The following ANK2 variants were observed in gnomAD, a reference collection of about 807,000 sequenced individuals.
The protein encoded by ANK2 is ankyrin 2, also known as ankyrin-2.
ANK2 carries 83 observed loss-of-function variants against 360.5 expected under a neutral mutation model. The observed-to-expected ratio is 0.23, with a 90% confidence interval of 0.19 to 0.28. The LOEUF (loss-of-function observed/expected upper bound fraction) is 0.28, where lower values mean the gene tolerates loss of function less well. ANK2 is among the 10% of genes least tolerant of loss of function. ANK2 has a pLI of 1.00. For synonymous variants in ANK2, 1,740 were observed against 1,759.5 expected, an observed-to-expected ratio of 0.99 and a Z score of 0.28; for missense variants, 4,201 against 4,795.7, an observed-to-expected ratio of 0.88 and a Z score of 3.66.
intron 1 of ANK2, among the ~76,000 whole-genome samples, chr4:113,125,329 A>G (rs750072463): frequency 1.3e-5 from 2 of 152,196 alleles, no homozygotes; most frequent in Non-Finnish European, 2.9e-5. Context: ...TTTTATTATT[A>G]TAAAGATCAA....
At chr4:113,234,605 T>C (rs953590003) in intron 5 of ANK2, among the ~76,000 whole-genome samples, 2 of 152,222 alleles carry the variant, frequency 1.3e-5, no homozygotes, top group Non-Finnish European at 2.9e-5. Flanking sequence ...TGTGTTATAC[T>C]GCTAAATACC....
In ANK2 at chr4:113,195,879, G is replaced by A. The variant is rs565234465; in HGVS notation, c.187-489G>A. ...GTCACTGAGTAGCTAGTTGGAGTGA[G>A]TTAGTTATAATATTAATCAAGGTAT... is the stretch of plus-strand genomic sequence containing the variant. On this transcript the variant is annotated intron_variant, in intron 2 of 45. Coordinates refer to ENST00000357077, the MANE Select transcript of ANK2 (RefSeq NM_001148.6). Among the ~76,000 whole-genome samples the A allele has an allele frequency of 8.5e-5, 13 of 152,282 alleles. No individual in the cohort carries two copies. The East Asian group carries it at 2.5e-3, about 29-fold the overall frequency.
chr4:113,235,546 A>C (rs1278075710), intron 5 of ANK2, among the ~76,000 whole-genome samples: 1 of 152,114 alleles, frequency 6.6e-6, no homozygotes, highest in Non-Finnish European at 1.5e-5. Flanking sequence ...CTCCTGCCTC[A>C]GCCTCCCAAG....
At chr4:113,275,917 A>C (rs1193654774) in intron 15 of ANK2, among the ~76,000 whole-genome samples, 1 of 151,790 alleles carries the variant, frequency 6.6e-6, no homozygotes, top group Non-Finnish European at 1.5e-5. Context: ...GCGATAAAAT[A>C]GAATAAAATG....
At position 113,381,178 on chromosome 4, in the gene ANK2, A is replaced by G. The variant is rs561565196; in HGVS notation, c.11860-279A>G. On this transcript the variant is annotated intron_variant, in intron 45 of 45. Coordinates refer to ENST00000357077, the MANE Select transcript of ANK2 (RefSeq NM_001148.6). Reference sequence around the variant, plus strand: ...TTAGTTTTTGAGAAGATCAAATTAAAGCATGGTTTCATTTATTTTAAATTT... The same window carrying G: ...TTAGTTTTTGAGAAGATCAAATTAAGGCATGGTTTCATTTATTTTAAATTT... Among the ~76,000 whole-genome samples, 4 of 152,334 alleles carry G rather than the reference A, an allele frequency of 2.6e-5. No homozygotes were observed. The South Asian group carries it at 8.3e-4, about 32-fold the overall frequency.
At chr4:112,854,658 A>T (rs763587227) in intron 1 of ANK2, among the ~76,000 whole-genome samples, 1 of 152,218 alleles carries the variant, frequency 6.6e-6, no homozygotes, top group Non-Finnish European at 1.5e-5. Context: ...TAAGGGTTCT[A>T]GCTTAAGGGA....
chr4:113,050,487 C>T (rs960189396), intron 1 of ANK2, among the ~76,000 whole-genome samples: 1 of 152,032 alleles, frequency 6.6e-6, no homozygotes, highest in African/African-American at 2.4e-5. Flanking sequence ...ATTCCCACAC[C>T]CTCGATTTTC....
chr4:112,930,014 T>A lies in ANK2; in HGVS notation c.21+25500T>A, dbSNP rs541310570. On this transcript the variant is annotated intron_variant, in intron 2 of 30. Transcript: ENST00000503271. The stretch of plus-strand genomic sequence containing the variant: ...GATTGTCTTGTCACTTGTGAAATAA[T>A]GAACTTTTTGCTTCCAATGTCACAT... 5.9e-5 allele frequency among the ~76,000 whole-genome samples: 9 copies of A among 152,298 alleles called. No homozygotes were observed. In the East Asian group the frequency reaches 1.7e-3, roughly 29 times the overall value.
intron 4 of ANK2, among the ~76,000 whole-genome samples, chr4:113,230,694 T>C (rs1050785673): frequency 1.3e-5 from 2 of 152,336 alleles, no homozygotes; most frequent in South Asian, 4.1e-4. Context: ...GTTTTTTCCT[T>C]AATGAGACAT....
Position 112,948,503 on chromosome 4 carries a change from G to A in ANK2, c.21+43989G>A, listed in dbSNP as rs138629277. On this transcript the variant is annotated intron_variant, in intron 2 of 30. Transcript: ENST00000503271. The stretch of plus-strand genomic sequence containing the variant: ...AGATCAATGAGCCAGAACAGAATCC[G>A]GAAGGAAATTCAATTACATCATAAA... 6.4e-3 allele frequency among the ~76,000 whole-genome samples: 976 copies of A among 152,198 alleles called. 12 individuals carry two copies. Among genetic ancestry groups the A allele is most frequent in the African/African-American group, 0.02 (829 of 41,518 alleles).
chr4:112,882,613 T>G (rs2077007110), intron 1 of ANK2, among the ~76,000 whole-genome samples: 1 of 152,048 alleles, frequency 6.6e-6, no homozygotes, highest in South Asian at 2.1e-4. Flanking sequence ...CGTATTTAAT[T>G]GAAACTTTGG....
upstream of ANK2, among the ~76,000 whole-genome samples, chr4:113,049,062 T>C (rs1030400066): frequency 1.3e-5 from 2 of 151,932 alleles, no homozygotes; most frequent in African/African-American, 2.4e-5. Context: ...GAAGCTTACA[T>C]TGGAAAGAGA....
chr4:113,120,005 G>A (rs1167648138), intron 1 of ANK2, among the ~76,000 whole-genome samples: 2 of 152,064 alleles, frequency 1.3e-5, no homozygotes, highest in South Asian at 2.1e-4. Flanking sequence ...CAAGTTGCCA[G>A]TGGTGTTGTA....
chr4:112,958,486 CG>C (rs1332991464), intron 2 of ANK2, among the ~76,000 whole-genome samples: 1 of 151,884 alleles, frequency 6.6e-6, no homozygotes, highest in African/African-American at 2.4e-5. Flanking sequence ...CGCAGGCACT[CG>C]GCAGGCTGAG....
chr4:113,318,653 G>A, intron 26 of ANK2, 33 bp downstream of exon 26: 1 of 1,538,182 alleles, frequency 6.5e-7, no homozygotes. Context: ...TCCTGATCAA[G>A]AGGTAAAAAG....
At chr4:112,924,297 G>A (rs1051822841) in intron 2 of ANK2, among the ~76,000 whole-genome samples, 21 of 151,362 alleles carry the variant, frequency 1.4e-4, no homozygotes, top group Admixed American at 5.9e-4. Context: ...GAACCCGGGA[G>A]ACGGAAGCTG....
At chr4:113,254,079 T>G (rs1015012217) in intron 10 of ANK2, among the ~76,000 whole-genome samples, 1 of 152,206 alleles carries the variant, frequency 6.6e-6, no homozygotes, top group African/African-American at 2.4e-5. Context: ...AGACTAGCTC[T>G]CTTACTTCCT....
At chr4:113,186,744 A>G (rs1160272663) in intron 2 of ANK2, among the ~76,000 whole-genome samples, 1 of 152,190 alleles carries the variant, frequency 6.6e-6, no homozygotes, top group African/African-American at 2.4e-5. Context: ...TAAAATGGCA[A>G]CTTCTTCAAA....
intron 4 of ANK2, among the ~76,000 whole-genome samples, chr4:113,219,884 C>T (rs362474): frequency 3.3e-5 from 5 of 152,002 alleles, no homozygotes; most frequent in Admixed American, 6.5e-5. Context: ...AACTAGGATA[C>T]CTTCAATCAC....
Sources: gnomAD v4.1 joint callset for allele counts (sites outside exome capture counted in the v4.1 genomes callset) on GRCh38, gnomAD v4.1.1 for gene constraint, MANE v1.5 for transcripts, NCBI Gene and HGNC (gene_info 2026-07-23, HGNC 2026-07-21) for gene names.